The following DNAL4 variants were observed in gnomAD, a reference collection of about 807,000 sequenced individuals.
The protein encoded by DNAL4 is dynein light chain, outer arm 4.
In DNAL4, 10 loss-of-function variants were observed where a neutral mutation model predicts 12.6. That is an observed-to-expected ratio of 0.79 (90% CI 0.49 to 1.34). The LOEUF (loss-of-function observed/expected upper bound fraction) is 1.34. DNAL4 is among the 40% of genes most tolerant of loss of function. The probability of loss-of-function intolerance (pLI) is 0.00; values close to 1 mark genes in which losing one functional copy is unlikely to be tolerated. For synonymous variants in DNAL4, 46 were observed against 53.1 expected (o/e 0.87, Z 0.58); for missense variants, 128 against 138.1 (o/e 0.93, Z 0.37).
rs771262991 is a variant in DNAL4 at position 38,779,515 on chromosome 22, C to T, written c.252G>A (p.Glu84=). 4 of 1,582,448 alleles carry T rather than the reference C, an allele frequency of 2.5e-6. 1 individual carries two copies. The South Asian group carries it at 3.5e-5, about 14-fold the overall frequency. ...AGTACAGGTAGAGGAGGTTCTTCAC[C>T]TCGTGGGTGATCTCAAACCCAAAGC... ...GEGFGFEITH[E]VKNLLYLYFG... The change falls in exon 4 of 4, where the codon GAG becomes GAA. Residue 84 remains glutamate (E), a synonymous_variant. Transcript: ENST00000216068. The surrounding 1 kb of genome is among the most constrained non-coding windows in gnomAD (Gnocchi z 4.3).
Position 38,782,925 on chromosome 22 carries a change from G to T in DNAL4, c.-139-55C>A. Reference sequence around the variant, plus strand: ...AGAGCTGGCTTCAAAACCATACATCGCAAATTAGAAATGTCTCAGTAACAA... The same window carrying T: ...AGAGCTGGCTTCAAAACCATACATCTCAAATTAGAAATGTCTCAGTAACAA... On this transcript the variant is annotated intron_variant, in intron 1 of 3. Coordinates refer to ENST00000216068, the MANE Select transcript of DNAL4 (RefSeq NM_005740.3). This position sits in a 1 kb window ranked among gnomAD's most constrained non-coding sequence, Gnocchi z 5.1. The T allele has an allele frequency of 2.0e-6, 1 of 506,920 alleles. No individual in the cohort carries two copies. Among genetic ancestry groups the T allele is most frequent in the Non-Finnish European group, 3.4e-6 (1 of 290,116 alleles). The allele number at this position is 506,920 out of a possible 1,614,324, so 31.4% of individuals were successfully genotyped here.
intron 1 of DNAL4, 139 bp from the exon 2 acceptor site, chr22:38,783,009 C>A (rs1023680817): frequency 3.5e-5 from 12 of 340,362 alleles, no homozygotes; most frequent in Non-Finnish European, 5.3e-5. Flanking sequence ...AGCAAGTCTG[C>A]AGACGGCAGG....
intron 1 of DNAL4, among the ~76,000 whole-genome samples, chr22:38,787,024 C>T (rs890271035): frequency 2.0e-5 from 3 of 152,116 alleles, no homozygotes; most frequent in African/African-American, 7.2e-5. Flanking sequence ...GGGGGGCAGC[C>T]ATTCAATGTC....
In DNAL4 at chr22:38,790,604, G is replaced by A. The variant is rs182013032; in HGVS notation, c.-140+3464C>T. On this transcript the variant is annotated intron_variant, in intron 1 of 3. Coordinates refer to ENST00000216068, the MANE Select transcript of DNAL4 (RefSeq NM_005740.3). ...GAAATCACCAAGTCATGGGCTATCG[G>A]GGCAGGAGGGAAGCCATCAAGTCCA... 2.2e-3 allele frequency among the ~76,000 whole-genome samples: 328 copies of A among 152,286 alleles called. 4 individuals are homozygous for A. The highest frequency in any genetic ancestry group is 2.7e-3 in the Non-Finnish European group (186 of 68,024).
intron 3 of DNAL4, among the ~76,000 whole-genome samples, chr22:38,780,225 G>A (rs369109902): frequency 2.0e-5 from 3 of 152,198 alleles, no homozygotes; most frequent in Admixed American, 6.5e-5. Flanking sequence ...ACCATGCCAG[G>A]TGCCATGCTG....
chr22:38,782,689 G>A lies in DNAL4; in HGVS notation c.43C>T (p.Arg15Ter), dbSNP rs147600184. Residue 15 changes from arginine (R) to a stop codon, truncating the protein, a stop_gained, in exon 2 of 4, where the codon CGA becomes TGA. Coordinates refer to ENST00000216068, the MANE Select transcript of DNAL4 (RefSeq NM_005740.3). LOFTEE classifies it high-confidence loss of function. This position sits in a 1 kb window ranked among gnomAD's most constrained non-coding sequence, Gnocchi z 5.1. ...CTGACCAGAGGGAAGGTCTGCAGTC[G>A]CTTATAATCAGCCTCATCTTTCTTC... ...EGKKDEADYK[R>*]LQTFPLVRHS... 43 of 1,613,348 alleles carry A rather than the reference G, an allele frequency of 2.7e-5. No homozygotes were observed. Among genetic ancestry groups the A allele is most frequent in the African/African-American group, 5.3e-5 (4 of 74,890 alleles).
At position 38,782,210 on chromosome 22, in the gene DNAL4, G is replaced by A. The variant is rs995115208; in HGVS notation, c.69+453C>T. ...AGTTCATTCCCATCCCAGGCTTCCC[G>A]TGCCTCTGTTTCCCCGGCTTGGCAT... On this transcript the variant is annotated intron_variant, in intron 2 of 3. Coordinates refer to ENST00000216068, the MANE Select transcript of DNAL4 (RefSeq NM_005740.3). This position sits in a 1 kb window ranked among gnomAD's most constrained non-coding sequence, Gnocchi z 5.1. 6.6e-6 allele frequency among the ~76,000 whole-genome samples: 1 copy of A among 152,080 alleles called. No individual in the cohort carries two copies. Among genetic ancestry groups the A allele is most frequent in the African/African-American group, 2.4e-5 (1 of 41,384 alleles).
At position 38,780,881 on chromosome 22, in the gene DNAL4, G is replaced by A. The variant is rs112184596; in HGVS notation, c.153+45C>T. ...ACAGGGGCCACTTTATTCACCCACA[G>A]GGGCCATCAAAAGCACGAGGGGCCG... On this transcript the variant is annotated intron_variant, in intron 3 of 3. Transcript: ENST00000216068. 4.4e-3 allele frequency: 7,098 copies of A among 1,604,724 alleles called. 268 individuals are homozygous for A. The African/African-American group carries it at 0.084, about 19-fold the overall frequency.
At chr22:38,790,586 C>T (rs982387199) in intron 1 of DNAL4, among the ~76,000 whole-genome samples, 1 of 152,118 alleles carries the variant, frequency 6.6e-6, no homozygotes, top group Non-Finnish European at 1.5e-5. Flanking sequence ...AAAGAAATCA[C>T]CAAGTCATGG....
chr22:38,792,913 CCATTAT>C (rs1369255412), intron 1 of DNAL4, among the ~76,000 whole-genome samples: 2 of 152,126 alleles, frequency 1.3e-5, no homozygotes, highest in Non-Finnish European at 2.9e-5. Context: ...TCATTTATTA[CCATTAT>C]CAAGTATGAT....
rs73884543 is a variant in DNAL4, at chr22:38,788,102, G to A, written c.-139-5232C>T. 3.2e-3 allele frequency among the ~76,000 whole-genome samples: 489 copies of A among 152,234 alleles called. 4 individuals are homozygous for A. The highest frequency in any genetic ancestry group is 0.011 in the African/African-American group (468 of 41,532). On this transcript the variant is annotated intron_variant, in intron 1 of 3. Transcript: ENST00000216068. ...TTCCCGCCACATTGGGGACACAGGC[G>A]GGCACTCCAGTCTTCCTTGGCCTTC...
Position 38,782,993 on chromosome 22 carries a change from A to C in DNAL4, c.-139-123T>G. The C allele has an allele frequency of 2.9e-6, 1 of 347,166 alleles. No homozygotes were observed. Among genetic ancestry groups the C allele is most frequent in the Non-Finnish European group, 5.2e-6 (1 of 191,800 alleles). 21.5% of individuals were successfully genotyped at this position (347,166 alleles called of 1,614,324 possible). On this transcript the variant is annotated intron_variant, in intron 1 of 3. Transcript: ENST00000216068. The surrounding 1 kb of genome is among the most constrained non-coding windows in gnomAD (Gnocchi z 5.1). ...TTAACTCCTCCGCACCCTTTTCCAA[A>C]TGGCCAGCAAGTCTGCAGACGGCAG...
intron 1 of DNAL4, among the ~76,000 whole-genome samples, chr22:38,788,652 A>G (rs545746568): frequency 6.6e-6 from 1 of 152,332 alleles, no homozygotes; most frequent in African/African-American, 2.4e-5. Context: ...AAGTATAAGG[A>G]AAGTCACAAC....
intron 1 of DNAL4, among the ~76,000 whole-genome samples, chr22:38,793,859 C>T (rs1280344683): frequency 6.7e-6 from 1 of 149,334 alleles, no homozygotes; most frequent in Non-Finnish European, 1.5e-5. Flanking sequence ...GTCGCGATGG[C>T]AAACCTGTCA....
chr22:38,780,319 A>T (rs2146162773), intron 3 of DNAL4, among the ~76,000 whole-genome samples: 1 of 152,274 alleles, frequency 6.6e-6, no homozygotes, highest in Middle Eastern at 3.4e-3. Context: ...CCATTTAAGG[A>T]CTAGGAAACT....
At chr22:38,788,693 T>C (rs1189129543) in intron 1 of DNAL4, among the ~76,000 whole-genome samples, 1 of 152,210 alleles carries the variant, frequency 6.6e-6, no homozygotes, top group African/African-American at 2.4e-5. Flanking sequence ...GGAGAACAGC[T>C]GCTCGCCACA....
chr22:38,790,669 G>C (rs1286960363), intron 1 of DNAL4, among the ~76,000 whole-genome samples: 1 of 152,160 alleles, frequency 6.6e-6, no homozygotes, highest in African/African-American at 2.4e-5. Flanking sequence ...TTAATGACAG[G>C]GGCATGTTCT....
intron 1 of DNAL4, among the ~76,000 whole-genome samples, chr22:38,787,393 C>G (rs1433530036): frequency 6.6e-6 from 1 of 152,084 alleles, no homozygotes; most frequent in Non-Finnish European, 1.5e-5. Flanking sequence ...AGGTACGCGC[C>G]ACCACGCCTG....
intron 1 of DNAL4, among the ~76,000 whole-genome samples, chr22:38,786,880 C>G (rs184747899): frequency 1.3e-4 from 20 of 152,342 alleles, no homozygotes; most frequent in African/African-American, 4.8e-4. Flanking sequence ...GCACTGACCT[C>G]AGTCACCATT....
Sources: gnomAD v4.1 joint callset for allele counts (sites outside exome capture counted in the v4.1 genomes callset) on GRCh38, gnomAD v4.1.1 for gene constraint, Gnocchi (gnomAD v3.1) non-coding constraint, MANE v1.5 for transcripts, NCBI Gene and HGNC (gene_info 2026-07-23, HGNC 2026-07-21) for gene names.